RPS6KA5: variants seen among roughly 807,000 people sequenced by gnomAD.
RPS6KA5 encodes ribosomal protein S6 kinase A5.
In RPS6KA5, 27 loss-of-function variants were observed where a neutral mutation model predicts 85.5. That is an observed-to-expected ratio of 0.32 (90% confidence interval 0.23 to 0.44). The LOEUF (loss-of-function observed/expected upper bound fraction) is 0.44. Among genes scored for constraint, RPS6KA5 ranks in the 20% least tolerant of loss-of-function variants. RPS6KA5 has a pLI of 1.00. For missense variants in RPS6KA5, 811 were observed against 980.9 expected (o/e 0.83, Z 2.31); for synonymous variants, 334 against 348.2 (o/e 0.96, Z 0.46).
chr14:90,974,129 C>T (rs2140464528), intron 3 of RPS6KA5, among the ~76,000 whole-genome samples: 1 of 150,500 alleles, frequency 6.6e-6, no homozygotes, highest in Admixed American at 6.6e-5. Flanking sequence ...ATGAAGGGAT[C>T]AGGCTGTCAC....
chr14:91,041,324 A>AGTGTTT (rs2042599279), intron 1 of RPS6KA5, among the ~76,000 whole-genome samples: 1 of 152,186 alleles, frequency 6.6e-6, no homozygotes, highest in African/African-American at 2.4e-5. Context: ...TTTTTTACTC[A>AGTGTTT]ACATCACAAA....
rs1279284398 is a variant in RPS6KA5, at chr14:90,859,488, G to T, written c.*12586C>A. On this transcript the variant is annotated 3_prime_UTR_variant, in exon 17 of 17. Transcript: ENST00000614987. ...GAATATAGAGGAAAAGACAAGATAT[G>T]ATCAGAGACTTGGCACCTACAAAAA... The T allele has an allele frequency of 6.6e-6, 1 of 152,148 alleles. No individual in the cohort carries two copies. The highest frequency in any genetic ancestry group is 6.5e-5 in the Admixed American group (1 of 15,280). 9.4% of individuals were successfully genotyped at this position (152,148 alleles called of 1,614,324 possible). A position where few individuals can be genotyped will look rare whatever the true frequency, so the allele number is the denominator to read the frequency against.
At chr14:90,875,862 T>C (rs1269134568) in intron 14 of RPS6KA5, among the ~76,000 whole-genome samples, 1 of 120,346 alleles carries the variant, frequency 8.3e-6, no homozygotes, top group East Asian at 2.6e-4. Flanking sequence ...TGAGAACACA[T>C]GGACACAGGA....
intron 1 of RPS6KA5, among the ~76,000 whole-genome samples, chr14:91,020,533 ACTGTGTGTGTGT>A (rs1463076314): frequency 6.5e-5 from 5 of 77,486 alleles, no homozygotes; most frequent in African/African-American, 2.4e-4. Context: ...CTAAGGAATG[ACTGTGTGTGTGT>A]GTGTGTGTGT....
Position 90,923,196 on chromosome 14 carries a change from T to C in RPS6KA5, c.619A>G (p.Thr207Ala). Reference protein sequence around the residue: ...GLSKEFVADETERAYSFCGTI... With the variant: ...GLSKEFVADEAERAYSFCGTI... ...CCACAAAAGGAATATGCTCTTTCAG[T>C]CTTGAACAAACAAACAAAAAAGGGA... is the stretch of plus-strand genomic sequence containing the variant. Residue 207 changes from threonine to alanine, a missense_variant and splice_region_variant, in exon 6 of 17, where the codon ACT becomes GCT. By Grantham distance (58) the Thr-to-Ala change is moderately conservative. Transcript: ENST00000614987. 6.2e-7 allele frequency: 1 copy of C among 1,610,622 alleles called. No homozygotes were observed. The highest frequency in any genetic ancestry group is 1.3e-5 in the African/African-American group (1 of 74,956).
At position 90,923,200 on chromosome 14, in the gene RPS6KA5, G is replaced by GAACA. The variant is rs771074108; in HGVS notation, c.619-8_619-5dup. 6.2e-6 allele frequency: 10 copies of GAACA among 1,607,808 alleles called. No individual in the cohort carries two copies. In the African/African-American group the frequency reaches 8.0e-5, roughly 13 times the overall value. ...AAAAGGAATATGCTCTTTCAGTCTT[G>GAACA]AACAAACAAACAAAAAAGGGATTTG... On this transcript the variant is annotated splice_region_variant and splice_polypyrimidine_tract_variant and intron_variant, in intron 5 of 16. Coordinates refer to ENST00000614987, the MANE Select transcript of RPS6KA5 (RefSeq NM_004755.4).
chr14:91,043,113 CT>C (rs1265008481), intron 1 of RPS6KA5, among the ~76,000 whole-genome samples: 2 of 152,280 alleles, frequency 1.3e-5, no homozygotes, highest in South Asian at 2.1e-4. Flanking sequence ...CTGCCACCCC[CT>C]AAAGCATCTT....
At chr14:90,922,463 T>C (rs972671674) in intron 6 of RPS6KA5, among the ~76,000 whole-genome samples, 2 of 152,240 alleles carry the variant, frequency 1.3e-5, no homozygotes, top group African/African-American at 2.4e-5. Flanking sequence ...GTAATTTTCT[T>C]TTGAGTCGTT....
At chr14:91,050,195 T>C (rs964939836) in intron 1 of RPS6KA5, among the ~76,000 whole-genome samples, 6 of 151,580 alleles carry the variant, frequency 4.0e-5, no homozygotes, top group Admixed American at 1.3e-4. Context: ...CTGGGCAACA[T>C]AGCAAGACCC....
chr14:90,978,332 G>C lies in RPS6KA5; in HGVS notation c.368C>G (p.Thr123Arg). The C allele has an allele frequency of 6.2e-7, 1 of 1,606,076 alleles. No individual in the cohort carries two copies. Among genetic ancestry groups the C allele is most frequent in the Non-Finnish European group, 8.5e-7 (1 of 1,177,564 alleles). Residue 123 changes from threonine to arginine, a missense_variant, in exon 3 of 17, where the codon ACA (threonine) becomes AGA (arginine). Coordinates refer to ENST00000614987, the MANE Select transcript of RPS6KA5 (RefSeq NM_004755.4). ...FLVTLHYAFQ[T>R]ETKLHLILDY... is the part of the protein sequence containing the mutation. ...TAAAATGAGATGAAGTTTGGTTTCT[G>C]TCTGGAAAGCATAATGTAATGTTAC...
chr14:90,893,032 G>A (rs1283343959), intron 13 of RPS6KA5, among the ~76,000 whole-genome samples: 1 of 152,144 alleles, frequency 6.6e-6, no homozygotes, highest in Non-Finnish European at 1.5e-5. Flanking sequence ...TTCTGCAAGA[G>A]AGGACAGTTG....
chr14:90,984,048 G>A (rs1419481234), intron 2 of RPS6KA5, among the ~76,000 whole-genome samples: 6 of 152,086 alleles, frequency 3.9e-5, no homozygotes, highest in Non-Finnish European at 7.4e-5. Context: ...GTTTCACCAT[G>A]TTGGCCAGGC....
Position 90,863,513 on chromosome 14 carries a change from TAC to T in RPS6KA5, c.*8559_*8560del, listed in dbSNP as rs972115479. On this transcript the variant is annotated 3_prime_UTR_variant, in exon 17 of 17. Coordinates refer to ENST00000614987, the MANE Select transcript of RPS6KA5 (RefSeq NM_004755.4). ...AGGCAGAAATGAAACTGTCATTATT[TAC>T]AGACGATATAACTGTAGACTTAAAG... 1.3e-4 allele frequency: 19 copies of T among 151,656 alleles called. No homozygotes were observed. Among genetic ancestry groups the T allele is most frequent in the African/African-American group, 4.4e-4 (18 of 41,364 alleles). 9.4% of individuals were successfully genotyped at this position (151,656 alleles called of 1,614,324 possible). A position where few individuals can be genotyped will look rare whatever the true frequency, so the allele number is the denominator to read the frequency against.
At chr14:90,969,495 AT>A (rs1319422268) in intron 3 of RPS6KA5, among the ~76,000 whole-genome samples, 2 of 152,214 alleles carry the variant, frequency 1.3e-5, no homozygotes, top group Non-Finnish European at 2.9e-5. Flanking sequence ...TAAATAGCCC[AT>A]TTTCCATTTA....
intron 1 of RPS6KA5, among the ~76,000 whole-genome samples, chr14:91,054,256 A>C (rs2043215477): frequency 6.6e-6 from 1 of 152,242 alleles, no homozygotes. Context: ...AAACAGAGAC[A>C]TCAATCTTCA....
intron 5 of RPS6KA5, among the ~76,000 whole-genome samples, chr14:90,929,775 G>A (rs1235703420): frequency 6.6e-6 from 1 of 152,254 alleles, no homozygotes; most frequent in East Asian, 1.9e-4. Flanking sequence ...GAGGGAGGAC[G>A]AAGGTCGGGG....
At chr14:91,008,449 A>G (rs1379246670) in intron 1 of RPS6KA5, among the ~76,000 whole-genome samples, 1 of 152,234 alleles carries the variant, frequency 6.6e-6, no homozygotes, top group East Asian at 1.9e-4. Flanking sequence ...GAAGCTGGTT[A>G]GAAAAGCTCA....
At chr14:90,979,175 C>T (rs1416871840) in intron 2 of RPS6KA5, among the ~76,000 whole-genome samples, 2 of 152,216 alleles carry the variant, frequency 1.3e-5, no homozygotes, top group East Asian at 3.9e-4. Context: ...TGGGCATGAT[C>T]CTACGTGTGG....
rs571702436 is a variant in RPS6KA5, at chr14:90,875,488, A to G, written c.1837-128T>C. 5.2e-5 allele frequency: 42 copies of G among 802,974 alleles called. No individual in the cohort carries two copies. In the East Asian group the frequency reaches 1.1e-3, roughly 20 times the overall value. The allele number at this position is 802,974 out of a possible 1,614,324, so 49.7% of individuals were successfully genotyped here. ...CAACTAGCATGATTGAGTTTAAAAG[A>G]TTACGTGATTCCTCAGGGATCTAGA... On this transcript the variant is annotated intron_variant, in intron 14 of 16. Coordinates refer to ENST00000614987, the MANE Select transcript of RPS6KA5 (RefSeq NM_004755.4).
Sources: gnomAD v4.1 joint callset for allele counts (sites outside exome capture counted in the v4.1 genomes callset) on GRCh38, gnomAD v4.1.1 for gene constraint, MANE v1.5 for transcripts, NCBI Gene and HGNC (gene_info 2026-07-23, HGNC 2026-07-21) for gene names.